The following TSGA10 variants were observed in gnomAD, a reference collection of about 807,000 sequenced individuals.
The protein encoded by TSGA10 is testis-specific gene 10 protein.
TSGA10 carries 43 observed loss-of-function variants against 96.6 expected under a neutral mutation model. The ratio of observed to expected loss-of-function variants is 0.44; its 90% CI spans 0.35 to 0.57. The LOEUF (loss-of-function observed/expected upper bound fraction) is 0.57, where lower values mean the gene tolerates loss of function less well. Among genes scored for constraint, TSGA10 ranks in the 20% least tolerant of loss-of-function variants. TSGA10 has a pLI of 0.01. For missense variants in TSGA10, 703 were observed against 834.4 expected (o/e 0.84, Z 1.94); for synonymous variants, 229 against 269.9 (o/e 0.85, Z 1.48).
intron 20 of TSGA10, among the ~76,000 whole-genome samples, chr2:99,002,207 A>G (rs1008655472): frequency 6.6e-5 from 10 of 152,334 alleles, no homozygotes; most frequent in African/African-American, 2.4e-4. Flanking sequence ...AGTTGAAATG[A>G]AGGGAAAATA....
At chr2:99,028,068 A>G (rs995644220) in intron 17 of TSGA10, among the ~76,000 whole-genome samples, 2 of 152,076 alleles carry the variant, frequency 1.3e-5, no homozygotes, top group Non-Finnish European at 2.9e-5. Context: ...GGGCATTTAC[A>G]CAGTCATTCT....
At chr2:99,091,571 T>C (rs986849466) in intron 10 of TSGA10, among the ~76,000 whole-genome samples, 3 of 152,004 alleles carry the variant, frequency 2.0e-5, no homozygotes, top group Non-Finnish European at 4.4e-5. Flanking sequence ...ACCTAACACA[T>C]AAGAATCCAC....
intron 1 of TSGA10, 94 bp downstream of exon 1, chr2:99,154,599 C>G (rs2093729047): frequency 5.9e-6 from 1 of 168,758 alleles, no homozygotes; most frequent in African/African-American, 2.4e-5. Flanking sequence ...CCTTCCTGCC[C>G]GTCGTGTGAC....
chr2:99,019,291 A>G (rs979415952), intron 18 of TSGA10, among the ~76,000 whole-genome samples: 5 of 152,192 alleles, frequency 3.3e-5, no homozygotes, highest in African/African-American at 1.2e-4. Context: ...TTCTCATGCT[A>G]ATTCTAAGTG....
At chr2:99,012,222 T>G (rs1467304779) in intron 20 of TSGA10, among the ~76,000 whole-genome samples, 1 of 152,176 alleles carries the variant, frequency 6.6e-6, no homozygotes, top group Non-Finnish European at 1.5e-5. Flanking sequence ...AAGCTCCTTA[T>G]GACATAAATC....
At position 99,048,777 on chromosome 2, in the gene TSGA10, A is replaced by C. The variant is rs548112309; in HGVS notation, c.1405-13338T>G. On this transcript the variant is annotated intron_variant, in intron 16 of 20. Transcript: ENST00000393483. The stretch of plus-strand genomic sequence containing the variant: ...GCTCTGCACAGCAAAAGAAACTGTC[A>C]TCAGTATGAACAGGCAACCTAAAGA... 2.0e-5 allele frequency among the ~76,000 whole-genome samples: 3 copies of C among 152,340 alleles called. No individual in the cohort carries two copies. In the South Asian group the frequency reaches 6.2e-4, roughly 32 times the overall value.
At chr2:99,007,776 G>T (rs1219717864) in intron 20 of TSGA10, among the ~76,000 whole-genome samples, 7 of 152,206 alleles carry the variant, frequency 4.6e-5, no homozygotes, top group African/African-American at 1.4e-4. Flanking sequence ...AAATTGGCAA[G>T]TGCTACAGAT....
intron 10 of TSGA10, among the ~76,000 whole-genome samples, chr2:99,091,190 G>A (rs969988599): frequency 1.3e-5 from 2 of 152,080 alleles, no homozygotes; most frequent in African/African-American, 4.8e-5. Flanking sequence ...CATACATGAA[G>A]GAAAGAGTCT....
chr2:99,049,941 A>C (rs2083213286), intron 16 of TSGA10, among the ~76,000 whole-genome samples: 1 of 152,186 alleles, frequency 6.6e-6, no homozygotes, highest in Non-Finnish European at 1.5e-5. Flanking sequence ...GTATAGCTGC[A>C]TCTCTTTTCC....
chr2:99,111,086 T>A (rs554501338), intron 4 of TSGA10, among the ~76,000 whole-genome samples, 171 bp from the exon 5 acceptor site: 5 of 152,206 alleles, frequency 3.3e-5, no homozygotes, highest in Admixed American at 2.0e-4. Flanking sequence ...AGATAAAAGA[T>A]GATTTACCCA....
At chr2:99,047,007 C>T (rs1456784807) in intron 16 of TSGA10, among the ~76,000 whole-genome samples, 1 of 152,108 alleles carries the variant, frequency 6.6e-6, no homozygotes. Flanking sequence ...CATACACCCT[C>T]CCAAGACTAA....
intron 10 of TSGA10, among the ~76,000 whole-genome samples, chr2:99,086,922 G>C (rs988256162): frequency 6.6e-6 from 1 of 151,934 alleles, no homozygotes. Flanking sequence ...AAAAATTTGG[G>C]GGCCGGGCGC....
intron 10 of TSGA10, among the ~76,000 whole-genome samples, chr2:99,098,438 C>CAAAAAAAAAAAAAAAAAGAAAA (rs2090320258): frequency 1.1e-5 from 1 of 92,618 alleles, no homozygotes; most frequent in Non-Finnish European, 2.1e-5. Flanking sequence ...GACTCTGCCT[C>CAAAAAAAAAAAAAAAAAGAAAA]AAAAAAAAAA....
intron 10 of TSGA10, chr2:99,101,898 G>C (rs907823471): frequency 1.0e-5 from 6 of 592,242 alleles, no homozygotes; most frequent in African/African-American, 7.5e-5. Context: ...GGGGGAAATA[G>C]GGAGTGCTGT....
chr2:99,098,690 G>A (rs1282275889), intron 10 of TSGA10, among the ~76,000 whole-genome samples: 1 of 151,738 alleles, frequency 6.6e-6, no homozygotes, highest in Non-Finnish European at 1.5e-5. Flanking sequence ...TAGAAAAACA[G>A]GAAATAACTA....
At chr2:99,008,793 T>C (rs2078729795) in intron 20 of TSGA10, among the ~76,000 whole-genome samples, 1 of 152,136 alleles carries the variant, frequency 6.6e-6, no homozygotes, top group South Asian at 2.1e-4. Flanking sequence ...AGGAGGTGGG[T>C]TGCATAACTA....
chr2:99,012,422 C>T (rs1357159269), intron 20 of TSGA10, among the ~76,000 whole-genome samples: 1 of 152,142 alleles, frequency 6.6e-6, no homozygotes, highest in Non-Finnish European at 1.5e-5. Context: ...GACTAAGTAT[C>T]TGCTATCTTC....
intron 2 of TSGA10, chr2:99,125,513 T>C (rs1484680865): frequency 2.0e-5 from 3 of 152,214 alleles, no homozygotes; most frequent in Non-Finnish European, 4.4e-5. Flanking sequence ...TGCCAGATAA[T>C]TGTAACATCC....
At position 99,136,747 on chromosome 2, in the gene TSGA10, C is replaced by T. The variant is rs2093341186; in HGVS notation, c.-620-9571G>A. ...CCGGGAGGCGGAGCTTGCAGTGAGC[C>T]GAGATCCCGCCACTGCACTCCAGCC... is the stretch of plus-strand genomic sequence containing the variant. On this transcript the variant is annotated intron_variant, in intron 1 of 20. Transcript: ENST00000393483. Among the ~76,000 whole-genome samples the T allele has an allele frequency of 2.3e-4, 5 of 21,374 alleles. 1 individual carries two copies. 14.0% of individuals were successfully genotyped at this position (21,374 alleles called of 152,430 possible).
Sources: allele counts gnomAD v4.1 joint callset (sites outside exome capture counted in the v4.1 genomes callset), GRCh38; gene constraint gnomAD v4.1.1; transcripts MANE v1.5; gene names NCBI Gene and HGNC (gene_info 2026-07-23, HGNC 2026-07-21).